The following NAV3 variants were observed in gnomAD, a reference collection of about 807,000 sequenced individuals.
NAV3 encodes the protein pore membrane and/or filament interacting like protein 1.
A neutral mutation model predicts 244.7 loss-of-function variants in NAV3; 87 were observed. The observed-to-expected ratio is 0.36, with a 90% confidence interval of 0.30 to 0.42. The LOEUF (loss-of-function observed/expected upper bound fraction) is 0.42, where lower values mean the gene tolerates loss of function less well. NAV3 is among the 20% of genes least tolerant of loss of function. NAV3 has a pLI of 1.00. For synonymous variants in NAV3, 1,126 were observed against 1,042.2 expected (o/e 1.08, Z -1.55); for missense variants, 2,663 against 2,893.3 (o/e 0.92, Z 1.83).
intron 30 of NAV3, among the ~76,000 whole-genome samples, chr12:78,183,853 C>T (rs1032448111): frequency 6.6e-6 from 1 of 151,890 alleles, no homozygotes; most frequent in Non-Finnish European, 1.5e-5. Context: ...TTTCATACTA[C>T]TCCTCACCCT....
intron 1 of NAV3, among the ~76,000 whole-genome samples, chr12:77,890,604 T>C (rs1159589705): frequency 1.3e-5 from 2 of 152,218 alleles, no homozygotes; most frequent in Non-Finnish European, 2.9e-5. Flanking sequence ...TCTTTAAAAA[T>C]GTAGTGAGAA....
intron 2 of NAV3, among the ~76,000 whole-genome samples, chr12:77,680,121 G>T (rs1444477473): frequency 2.0e-5 from 3 of 152,114 alleles, no homozygotes; most frequent in Admixed American, 6.6e-5. Context: ...ACAGGGAAAG[G>T]GGGTATTGAC....
At chr12:77,837,438 C>A (rs992784059) in intron 1 of NAV3, among the ~76,000 whole-genome samples, 1 of 151,974 alleles carries the variant, frequency 6.6e-6, no homozygotes, top group Non-Finnish European at 1.5e-5. Context: ...TAGAGAATGG[C>A]TGTATGTCAG....
At position 78,177,117 on chromosome 12, in the gene NAV3, G is replaced by A. The variant is rs1217808030; in HGVS notation, c.5125-24G>A. ...CTCTCCAAGTGCAAATAGACAAGAAGGGTAATTTCTGTCCTTGTTTCAGCT... is the reference window on the plus strand; with the variant it reads ...CTCTCCAAGTGCAAATAGACAAGAAAGGTAATTTCTGTCCTTGTTTCAGCT... On this transcript the variant is annotated intron_variant, in intron 26 of 39. Transcript: ENST00000397909. The A allele has an allele frequency of 3.1e-6, 5 of 1,612,326 alleles. No individual in the cohort carries two copies. The South Asian group carries it at 4.4e-5, about 14-fold the overall frequency.
intron 1 of NAV3, among the ~76,000 whole-genome samples, chr12:77,892,425 T>C (rs988403475): frequency 5.3e-5 from 8 of 152,132 alleles, no homozygotes; most frequent in African/African-American, 1.9e-4. Flanking sequence ...TGAATTTTTT[T>C]TTTTTTTTTA....
intron 11 of NAV3, among the ~76,000 whole-genome samples, chr12:78,054,663 A>T (rs1411024725): frequency 6.6e-6 from 1 of 152,152 alleles, no homozygotes; most frequent in African/African-American, 2.4e-5. Context: ...TTGATATGGG[A>T]AGCACTGCAA....
intron 2 of NAV3, among the ~76,000 whole-genome samples, chr12:77,751,426 C>A (rs991303014): frequency 4.6e-5 from 7 of 152,188 alleles, no homozygotes; most frequent in Non-Finnish European, 7.3e-5. Context: ...TGGGAGAGAT[C>A]TGGTGGGAGG....
chr12:78,071,016 T>C (rs879545389), intron 12 of NAV3, among the ~76,000 whole-genome samples: 5 of 150,262 alleles, frequency 3.3e-5, no homozygotes, highest in African/African-American at 1.2e-4. Flanking sequence ...TAAACATACG[T>C]GTGCATGTGT....
At chr12:78,007,632 A>T (rs766120940) in intron 8 of NAV3, among the ~76,000 whole-genome samples, 187 bp downstream of exon 8, 6 of 152,162 alleles carry the variant, frequency 3.9e-5, no homozygotes, top group Non-Finnish European at 7.3e-5. Context: ...AGTAGGATCT[A>T]GTTTTATTCC....
chr12:78,082,118 A>C (rs972767281), intron 12 of NAV3, among the ~76,000 whole-genome samples: 5 of 152,324 alleles, frequency 3.3e-5, no homozygotes, highest in African/African-American at 1.2e-4. Context: ...GAGTTCCCCT[A>C]CAAAAGCCCT....
At chr12:77,953,631 C>T (rs1302654927) in intron 3 of NAV3, among the ~76,000 whole-genome samples, 1 of 152,120 alleles carries the variant, frequency 6.6e-6, no homozygotes, top group East Asian at 1.9e-4. Context: ...CCCTATTTTG[C>T]AACACAAACA....
chr12:77,933,168 G>A (rs912928193), intron 1 of NAV3, among the ~76,000 whole-genome samples: 8 of 152,034 alleles, frequency 5.3e-5, no homozygotes, highest in African/African-American at 1.2e-4. Flanking sequence ...TTACTAACAC[G>A]TTAAATTACT....
intron 12 of NAV3, among the ~76,000 whole-genome samples, chr12:78,096,718 C>A (rs960013188): frequency 6.6e-6 from 1 of 152,126 alleles, no homozygotes; most frequent in South Asian, 2.1e-4. Context: ...CTGGGACCCT[C>A]CCACAACACA....
At chr12:78,041,053 A>G (rs1197059753) in intron 9 of NAV3, among the ~76,000 whole-genome samples, 3 of 152,174 alleles carry the variant, frequency 2.0e-5, no homozygotes, top group Admixed American at 6.6e-5. Flanking sequence ...TATATGTATG[A>G]GGAGAAGTAT....
chr12:77,953,188 TAAA>T (rs2137687084), intron 3 of NAV3, among the ~76,000 whole-genome samples: 1 of 152,212 alleles, frequency 6.6e-6, no homozygotes, highest in East Asian at 1.9e-4. Context: ...TCAAGTAAAT[TAAA>T]GAAGAATAGC....
At chr12:77,876,782 A>T (rs963129873) in intron 1 of NAV3, among the ~76,000 whole-genome samples, 1 of 152,072 alleles carries the variant, frequency 6.6e-6, no homozygotes, top group African/African-American at 2.4e-5. Flanking sequence ...AAGGCTTTTT[A>T]TTAGGATTTA....
intron 2 of NAV3, among the ~76,000 whole-genome samples, chr12:77,694,642 G>A (rs1355937769): frequency 6.6e-6 from 1 of 152,068 alleles, no homozygotes; most frequent in Non-Finnish European, 1.5e-5. Flanking sequence ...TCCAGTCTTT[G>A]TGGCCCTTCT....
chr12:77,795,084 C>T (rs899734384), intron 2 of NAV3, among the ~76,000 whole-genome samples: 1 of 152,074 alleles, frequency 6.6e-6, no homozygotes, highest in Non-Finnish European at 1.5e-5. Flanking sequence ...ACATTGAAAG[C>T]CAAGATAGAC....
At chr12:77,813,902 C>T (rs1872415311) in intron 2 of NAV3, among the ~76,000 whole-genome samples, 1 of 152,112 alleles carries the variant, frequency 6.6e-6, no homozygotes, top group African/African-American at 2.4e-5. Flanking sequence ...TACATCTCAG[C>T]GATTTTTAAA....
Sources: gnomAD v4.1 joint callset for allele counts (sites outside exome capture counted in the v4.1 genomes callset) on GRCh38, gnomAD v4.1.1 for gene constraint, MANE v1.5 for transcripts, NCBI Gene and HGNC (gene_info 2026-07-23, HGNC 2026-07-21) for gene names.